The following TAF1 variants were observed in gnomAD, a reference collection of about 807,000 sequenced individuals.
The protein encoded by TAF1 is transcription initiation factor TFIID subunit 1.
TAF1 carries 2 observed loss-of-function variants against 138.5 expected under a neutral mutation model. That is an observed-to-expected ratio of 0.01 (90% CI 0.01 to 0.05). TAF1 has a LOEUF of 0.05. TAF1 is among the 10% of genes least tolerant of loss of function. The pLI is 1.00. For synonymous variants in TAF1, 437 were observed against 503.2 expected (o/e 0.87, Z 1.76); for missense variants, 709 against 1,478.0 (o/e 0.48, Z 8.53).
At chrX:71,436,011 C>T (rs2037117356) in intron 32 of TAF1, among the ~76,000 whole-genome samples, 1 of 103,461 alleles carries the variant, frequency 9.7e-6, no homozygotes, top group Non-Finnish European at 2.0e-5. Context: ...ACAGTCTAAC[C>T]TTTCCTACTA....
At chrX:71,481,228 G>A (rs1481312551) in intron 13 of TAF1, among the ~76,000 whole-genome samples, 2 of 111,757 alleles carry the variant, frequency 1.8e-5, no homozygotes, top group African/African-American at 3.2e-5. Flanking sequence ...GCAGTGAGCC[G>A]AGATCGTGCC....
chrX:71,453,771 A>AG (rs778566189), intron 32 of TAF1, among the ~76,000 whole-genome samples: 1 of 110,966 alleles, frequency 9.0e-6, no homozygotes, highest in South Asian at 3.9e-4. Flanking sequence ...GGGGAGGCTG[A>AG]GGGGGGCGGA....
rs752245241 is a variant in TAF1, at chrX:71,504,857, C to T, written c.1367-23685C>T. 1.2e-4 allele frequency among the ~76,000 whole-genome samples: 13 copies of T among 107,195 alleles called. No individual in the cohort carries two copies. The East Asian group carries it at 2.9e-3, about 24-fold the overall frequency. The allele number at this position is 107,195 out of a possible 115,157, so 93.1% of individuals were successfully genotyped here. ...TCTAAAATATCTATGAGGCTGGGCACGGTGGCTCATGCCTGTAATCCCAGC... is the reference window on the plus strand; with the variant it reads ...TCTAAAATATCTATGAGGCTGGGCATGGTGGCTCATGCCTGTAATCCCAGC... On this transcript the variant is annotated intron_variant and NMD_transcript_variant, in intron 13 of 14. Coordinates refer to the TAF1 transcript ENST00000373775.
intron 32 of TAF1, among the ~76,000 whole-genome samples, chrX:71,425,133 A>G (rs1317326531): frequency 9.0e-6 from 1 of 111,490 alleles, no homozygotes; most frequent in African/African-American, 3.3e-5. Flanking sequence ...AAACTCACCT[A>G]TGTCCCAGGC....
intron 32 of TAF1, among the ~76,000 whole-genome samples, chrX:71,428,916 GT>G (rs1400424970): frequency 1.7e-4 from 19 of 111,963 alleles, no homozygotes; most frequent in African/African-American, 5.8e-4. Context: ...GGTTATTTCT[GT>G]GACATGGGGT....
intron 13 of TAF1, among the ~76,000 whole-genome samples, chrX:71,509,523 G>GTAT (rs1287217529): frequency 8.2e-4 from 91 of 110,772 alleles, no homozygotes; most frequent in Middle Eastern, 4.6e-3. Flanking sequence ...AGCATAAAGG[G>GTAT]TATTATTATT....
At position 71,393,407 on chromosome X, in the gene TAF1, G is replaced by A; in HGVS notation, c.3158G>A (p.Arg1053Lys). Residue 1053 changes from arginine (R) to lysine (K), a missense_variant, in exon 21 of 38, where the codon AGG (arginine) becomes AAG (lysine). Arg to Lys is a conservative substitution (Grantham distance 26). Coordinates refer to ENST00000423759, the MANE Select transcript of TAF1 (RefSeq NM_004606.5). The part of the protein sequence containing the change: ...GPMSKFARGS[R>K]FSVAEHQERY... ...ATGAGTAAATTTGCCCGTGGATCAA[G>A]GTTTTCTGTGGCTGAGCATCAAGAG... is the stretch of plus-strand genomic sequence containing the variant. The A allele has an allele frequency of 8.3e-7, 1 of 1,210,136 alleles. No individual in the cohort carries two copies. The highest frequency in any genetic ancestry group is 1.1e-6 in the Non-Finnish European group (1 of 895,098).
chrX:71,391,629 CTTT>C (rs763621504), intron 18 of TAF1, among the ~76,000 whole-genome samples: 1 of 97,229 alleles, frequency 1.0e-5, no homozygotes. Context: ...CATATATACT[CTTT>C]TTTTTTTTTT....
At chrX:71,473,097 A>G (rs2038918963) in intron 13 of TAF1, among the ~76,000 whole-genome samples, 1 of 112,135 alleles carries the variant, frequency 8.9e-6, no homozygotes, top group African/African-American at 3.2e-5. Context: ...AATATGAAGA[A>G]TGAGATACAG....
intron 8 of TAF1, among the ~76,000 whole-genome samples, chrX:71,379,664 G>A (rs1054213369): frequency 2.0e-5 from 2 of 100,538 alleles, no homozygotes; most frequent in African/African-American, 7.4e-5. Flanking sequence ...GTGTAGTGGC[G>A]CAATCTCAGC....
At chrX:71,519,828 CAG>C (rs1430303279) in intron 13 of TAF1, among the ~76,000 whole-genome samples, 2 of 110,319 alleles carry the variant, frequency 1.8e-5, no homozygotes, top group Non-Finnish European at 3.8e-5. Flanking sequence ...GTTTTTGAGC[CAG>C]AGTCTAGCTC....
At chrX:71,443,170 C>A (rs182401281) in intron 32 of TAF1, among the ~76,000 whole-genome samples, 9 of 111,389 alleles carry the variant, frequency 8.1e-5, no homozygotes, top group Admixed American at 5.7e-4. Context: ...ATATGAACTT[C>A]GAAGTAGTTT....
At chrX:71,462,577 A>G (rs1483193315) in intron 37 of TAF1, among the ~76,000 whole-genome samples, 2 of 110,089 alleles carry the variant, frequency 1.8e-5, no homozygotes, top group African/African-American at 6.8e-5. Context: ...TCTCAAAATG[A>G]TAATAAAAAT....
intron 32 of TAF1, among the ~76,000 whole-genome samples, chrX:71,441,267 A>G (rs2037404118): frequency 9.1e-6 from 1 of 109,751 alleles, no homozygotes; most frequent in African/African-American, 3.3e-5. Context: ...TTTGGAATTC[A>G]GTGCAAATTT....
chrX:71,376,525 G>C (rs1275571745), intron 4 of TAF1, among the ~76,000 whole-genome samples: 1 of 109,995 alleles, frequency 9.1e-6, no homozygotes, highest in Non-Finnish European at 1.9e-5. Flanking sequence ...AATTTAGCCA[G>C]CTGTCGTGGC....
At chrX:71,444,931 C>G (rs1009001859) in intron 32 of TAF1, among the ~76,000 whole-genome samples, 3 of 109,576 alleles carry the variant, frequency 2.7e-5, no homozygotes, top group Non-Finnish European at 5.7e-5. Context: ...GATGGGATCA[C>G]CATAGCCAGG....
At chrX:71,395,882 G>C (rs1306503837) in intron 22 of TAF1, among the ~76,000 whole-genome samples, 1 of 111,063 alleles carries the variant, frequency 9.0e-6, no homozygotes, top group African/African-American at 3.3e-5. Context: ...TTGCAGCCGG[G>C]TGTGGTGGCT....
intron 3 of TAF1, among the ~76,000 whole-genome samples, chrX:71,369,439 C>T (rs1004028785): frequency 6.3e-5 from 7 of 111,514 alleles, no homozygotes; most frequent in Non-Finnish European, 1.3e-4. Flanking sequence ...TATTCGTAAT[C>T]TCTAGTAGAA....
intron 1 of TAF1, 140 bp downstream of exon 1, chrX:71,366,634 G>T: frequency 1.5e-6 from 1 of 651,754 alleles, no homozygotes; most frequent in Non-Finnish European, 2.3e-6. Context: ...GTCCTCATGG[G>T]TGCGGGAGCA....
Sources: allele counts gnomAD v4.1 joint callset (sites outside exome capture counted in the v4.1 genomes callset), GRCh38; gene constraint gnomAD v4.1.1; transcripts MANE v1.5; gene names NCBI Gene and HGNC (gene_info 2026-07-23, HGNC 2026-07-21).